Variants in PCDHA1 observed in about 807,000 individuals in gnomAD.
PCDHA1 encodes protocadherin alpha-1.
Under a neutral mutation model 61.3 loss-of-function variants are expected in PCDHA1, and 42 were observed. The ratio of observed to expected loss-of-function variants is 0.69; its 90% CI spans 0.54 to 0.89. The LOEUF is 0.89. Among genes scored for constraint, PCDHA1 ranks in the 40% least tolerant of loss-of-function variants. The probability of loss-of-function intolerance (pLI) is 0.00; values close to 1 mark genes in which losing one functional copy is unlikely to be tolerated. For missense variants in PCDHA1, 1,256 were observed against 1,235.3 expected (o/e 1.02, Z -0.25); for synonymous variants, 610 against 553.8 (o/e 1.10, Z -1.43).
chr5:140,814,016 A>C (rs1002153926), intron 1 of PCDHA1: 1 of 152,744 alleles, frequency 6.5e-6, no homozygotes, highest in Non-Finnish European at 1.5e-5. Context: ...TTCTTTCTTC[A>C]GTAATAAATT....
chr5:140,892,448 A>G (rs973072554), intron 1 of PCDHA1, among the ~76,000 whole-genome samples: 13 of 152,292 alleles, frequency 8.5e-5, no homozygotes, highest in African/African-American at 2.9e-4. Context: ...ATTTACATGT[A>G]TTCTTTAAGT....
chr5:140,809,473 G>C lies in PCDHA1; in HGVS notation c.2394+20789G>C, dbSNP rs1223238346. The C allele has an allele frequency of 3.1e-6, 5 of 1,614,142 alleles. No homozygotes were observed. In the African/African-American group the frequency reaches 5.3e-5, roughly 17 times the overall value. ...GGAGGCCGAGGGTGTGCTCTGGTGA[G>C]GGCCCACCCAAGACCGACCTCATGG... On this transcript the variant is annotated intron_variant, in intron 1 of 3. Coordinates refer to ENST00000504120, the MANE Select transcript of PCDHA1 (RefSeq NM_018900.4).
At chr5:140,849,768 G>A (rs1306922979) in intron 1 of PCDHA1, 2 of 1,598,386 alleles carry the variant, frequency 1.3e-6, no homozygotes, top group African/African-American at 2.7e-5. Flanking sequence ...CGAGCTGGTG[G>A]TTACCGCGCG....
At chr5:141,006,188 A>C (rs1319299509) in intron 3 of PCDHA1, among the ~76,000 whole-genome samples, 2 of 150,182 alleles carry the variant, frequency 1.3e-5, no homozygotes, top group Admixed American at 6.7e-5. Flanking sequence ...AGAGTTTGCT[A>C]TATGTATGTT....
chr5:140,840,342 G>C (rs1167042274), intron 1 of PCDHA1, among the ~76,000 whole-genome samples: 2 of 151,918 alleles, frequency 1.3e-5, no homozygotes, highest in African/African-American at 4.8e-5. Flanking sequence ...CAATGTTAGG[G>C]TATACAGGTA....
intron 1 of PCDHA1, among the ~76,000 whole-genome samples, chr5:140,945,224 T>C (rs1563213002): frequency 6.6e-6 from 1 of 152,016 alleles, no homozygotes; most frequent in Non-Finnish European, 1.5e-5. Context: ...ATAAAAATAC[T>C]TAGGAATAAA....
At chr5:140,895,137 G>A (rs1184479322) in intron 1 of PCDHA1, among the ~76,000 whole-genome samples, 2 of 152,072 alleles carry the variant, frequency 1.3e-5, no homozygotes, top group Non-Finnish European at 2.9e-5. Context: ...CAAGTTCATA[G>A]GGCTAAGACA....
chr5:140,828,620 T>C (rs2150157459), intron 1 of PCDHA1: 3 of 1,614,062 alleles, frequency 1.9e-6, no homozygotes, highest in African/African-American at 2.7e-5. Context: ...TTCTAGCGAA[T>C]ACTTCGGGCT....
chr5:140,907,491 C>A (rs1554193021), intron 1 of PCDHA1, among the ~76,000 whole-genome samples: 1 of 152,186 alleles, frequency 6.6e-6, no homozygotes, highest in Non-Finnish European at 1.5e-5. Flanking sequence ...AAACCCATAT[C>A]CAGAGTAAGT....
intron 1 of PCDHA1, chr5:140,805,200 A>G (rs1763525593): frequency 6.9e-7 from 1 of 1,442,696 alleles, no homozygotes; most frequent in African/African-American, 1.4e-5. Context: ...TTGAATAGCT[A>G]CCAAATAAAC....
At chr5:140,926,204 G>C (rs888951769) in intron 1 of PCDHA1, among the ~76,000 whole-genome samples, 1 of 151,802 alleles carries the variant, frequency 6.6e-6, no homozygotes, top group South Asian at 2.2e-4. Context: ...CTTTCGGGGG[G>C]CTCCTGTTTC....
intron 1 of PCDHA1, chr5:140,805,119 C>T (rs1763512854): frequency 6.3e-7 from 1 of 1,586,506 alleles, no homozygotes; most frequent in Admixed American, 1.7e-5. Flanking sequence ...TAACAAGACT[C>T]TTGGCAAAGA....
chr5:140,914,777 C>T (rs1476693090), intron 1 of PCDHA1, among the ~76,000 whole-genome samples: 1 of 151,924 alleles, frequency 6.6e-6, no homozygotes, highest in Non-Finnish European at 1.5e-5. Flanking sequence ...TATGACTTAT[C>T]TTATGACCCA....
intron 1 of PCDHA1, among the ~76,000 whole-genome samples, chr5:140,975,016 G>C (rs782435284): frequency 6.6e-6 from 1 of 152,128 alleles, no homozygotes; most frequent in Non-Finnish European, 1.5e-5. Context: ...AACACAGCTG[G>C]GCTGTGTTGT....
rs115795241 is a variant in PCDHA1, at chr5:140,931,728, G to A, written c.2395-47221G>A. 2.8e-3 allele frequency among the ~76,000 whole-genome samples: 427 copies of A among 151,850 alleles called. 1 individual carries two copies. The highest frequency in any genetic ancestry group is 4.4e-3 in the Non-Finnish European group (297 of 67,780). ...GAATAAAATAACTTCTATAAATATGGGGTATTTGTAATTCACAAAGGCATT... is the reference window on the plus strand; with the variant it reads ...GAATAAAATAACTTCTATAAATATGAGGTATTTGTAATTCACAAAGGCATT... On this transcript the variant is annotated intron_variant, in intron 1 of 3. Coordinates refer to ENST00000504120, the MANE Select transcript of PCDHA1 (RefSeq NM_018900.4).
chr5:140,856,428 A>T, intron 1 of PCDHA1: 1 of 1,598,400 alleles, frequency 6.3e-7, no homozygotes, highest in South Asian at 1.1e-5. Flanking sequence ...GACATTAACG[A>T]CAACCCGCCC....
chr5:141,001,946 G>A (rs1554258360), intron 3 of PCDHA1, among the ~76,000 whole-genome samples: 4 of 147,266 alleles, frequency 2.7e-5, no homozygotes, highest in African/African-American at 1.1e-4. Flanking sequence ...CGGAAATAAG[G>A]AGGAGGGAGA....
chr5:140,828,245 C>T (rs2150153040), intron 1 of PCDHA1: 1 of 1,613,956 alleles, frequency 6.2e-7, no homozygotes, highest in East Asian at 2.2e-5. Context: ...CGCGCAGGAC[C>T]TGGGGCTGGA....
At chr5:140,868,631 TTCTC>T (rs1180172037) in intron 1 of PCDHA1, 2 of 154,616 alleles carry the variant, frequency 1.3e-5, no homozygotes, top group African/African-American at 4.8e-5. Flanking sequence ...TGAATTCTCT[TTCTC>T]TCTCACTCTG....
Sources: allele counts gnomAD v4.1 joint callset (sites outside exome capture counted in the v4.1 genomes callset), GRCh38; gene constraint gnomAD v4.1.1; transcripts MANE v1.5; gene names NCBI Gene and HGNC (gene_info 2026-07-23, HGNC 2026-07-21).